Variants in DLGAP2 observed in about 807,000 individuals in gnomAD.
DLGAP2 encodes DLG associated protein 2.
DLGAP2 carries 26 observed loss-of-function variants against 100.3 expected under a neutral mutation model. That is an observed-to-expected ratio of 0.26 (90% CI 0.19 to 0.36). The LOEUF (loss-of-function observed/expected upper bound fraction) is 0.36. DLGAP2 is among the 10% of genes least tolerant of loss of function. DLGAP2 has a pLI of 1.00. For missense variants in DLGAP2, 1,858 were observed against 1,453.2 expected (o/e 1.28, Z -4.53); for synonymous variants, 886 against 630.1 (o/e 1.41, Z -6.08).
At chr8:1,337,184 G>T (rs202187872) in intron 3 of DLGAP2, among the ~76,000 whole-genome samples, 1 of 124,932 alleles carries the variant, frequency 8.0e-6, no homozygotes, top group South Asian at 2.4e-4. Flanking sequence ...GATGATGGTG[G>T]TGGTGAGAAT....
rs140696820 is a variant in DLGAP2 at position 1,107,301 on chromosome 8, A to C, written c.74-151550A>C. 3.4e-3 allele frequency among the ~76,000 whole-genome samples: 520 copies of C among 152,266 alleles called. 2 individuals carry two copies. The highest frequency in any genetic ancestry group is 0.02 in the Middle Eastern group (6 of 294). ...GTGACTGAGTGCTTTCTAGATACTC[A>C]TCACCACTCCAGGGCTGGGAGGCTG... is the stretch of plus-strand genomic sequence containing the variant. On this transcript the variant is annotated intron_variant, in intron 2 of 14. Coordinates refer to ENST00000637795, the MANE Select transcript of DLGAP2 (RefSeq NM_001346810.2).
chr8:1,073,201 A>G (rs1441889394), intron 2 of DLGAP2, among the ~76,000 whole-genome samples: 3 of 152,208 alleles, frequency 2.0e-5, no homozygotes, highest in Non-Finnish European at 2.9e-5. Flanking sequence ...CCAGCAAAAC[A>G]TTTGAGATCA....
chr8:750,485 A>T (rs1820763116), intron 1 of DLGAP2, among the ~76,000 whole-genome samples: 1 of 152,280 alleles, frequency 6.6e-6, no homozygotes, highest in Non-Finnish European at 1.5e-5. Flanking sequence ...GTGCATAAAA[A>T]TTGACAAAGA....
At chr8:1,623,606 G>C (rs1585006755) in intron 6 of DLGAP2, among the ~76,000 whole-genome samples, 2 of 151,560 alleles carry the variant, frequency 1.3e-5, no homozygotes, top group African/African-American at 2.4e-5. Context: ...CCTGGCACCA[G>C]TGTGCGATGA....
chr8:1,255,072 C>T (rs1226237843), intron 2 of DLGAP2, among the ~76,000 whole-genome samples: 35 of 113,658 alleles, frequency 3.1e-4, no homozygotes, highest in African/African-American at 1.1e-3. Flanking sequence ...TCCTGCCCGG[C>T]CGCTGTGTGT....
chr8:1,229,736 G>A (rs567247123), intron 2 of DLGAP2, among the ~76,000 whole-genome samples: 1 of 152,278 alleles, frequency 6.6e-6, no homozygotes, highest in East Asian at 1.9e-4. Context: ...AATAAATGCA[G>A]TTCACCACAT....
intron 2 of DLGAP2, among the ~76,000 whole-genome samples, chr8:1,058,108 G>A (rs1802937084): frequency 6.6e-6 from 1 of 152,146 alleles, no homozygotes; most frequent in Non-Finnish European, 1.5e-5. Flanking sequence ...ATCACGTGGG[G>A]TTGCATGCGA....
intron 2 of DLGAP2, among the ~76,000 whole-genome samples, chr8:1,138,353 G>C (rs569471862): frequency 6.6e-6 from 1 of 152,244 alleles, no homozygotes; most frequent in Non-Finnish European, 1.5e-5. Flanking sequence ...AAGCTCTGCA[G>C]GCCCTGCCTG....
chr8:1,523,243 G>T (rs144217064), intron 4 of DLGAP2, among the ~76,000 whole-genome samples: 1 of 152,228 alleles, frequency 6.6e-6, no homozygotes, highest in Non-Finnish European at 1.5e-5. Flanking sequence ...TCACACACAC[G>T]TTGAATTTGG....
intron 2 of DLGAP2, among the ~76,000 whole-genome samples, chr8:1,256,110 T>C (rs1178405323): frequency 7.3e-4 from 93 of 127,384 alleles, no homozygotes; most frequent in African/African-American, 2.9e-3. Flanking sequence ...TGTGTGTGTG[T>C]CCTCTCCTGC....
intron 2 of DLGAP2, among the ~76,000 whole-genome samples, chr8:970,191 C>G (rs1447738846): frequency 1.3e-5 from 2 of 152,128 alleles, no homozygotes; most frequent in Non-Finnish European, 2.9e-5. Context: ...AGATAGTGAT[C>G]AAGCTTTTCT....
chr8:889,761 C>G (rs1438328763), intron 1 of DLGAP2, among the ~76,000 whole-genome samples: 1 of 152,196 alleles, frequency 6.6e-6, no homozygotes, highest in African/African-American at 2.4e-5. Flanking sequence ...ACAGCTTAGA[C>G]AGCAGGCCGC....
chr8:857,877 T>G (rs945939695), intron 1 of DLGAP2, among the ~76,000 whole-genome samples: 47 of 152,272 alleles, frequency 3.1e-4, no homozygotes, highest in African/African-American at 1.1e-3. Flanking sequence ...ACATGATTTT[T>G]TTTTTTTTTT....
chr8:1,412,637 A>G (rs200513522), intron 3 of DLGAP2, among the ~76,000 whole-genome samples: 17 of 152,192 alleles, frequency 1.1e-4, no homozygotes, highest in African/African-American at 2.9e-4. Flanking sequence ...GGTGATAGCA[A>G]TGGAGCCCAC....
At position 1,333,130 on chromosome 8, in the gene DLGAP2, G is replaced by A. The variant is rs539213361; in HGVS notation, c.106+74247G>A. Among the ~76,000 whole-genome samples, 10 of 152,274 alleles carry A rather than the reference G, an allele frequency of 6.6e-5. No individual in the cohort carries two copies. In the East Asian group the frequency reaches 1.7e-3, roughly 27 times the overall value. On this transcript the variant is annotated intron_variant, in intron 3 of 14. Coordinates refer to ENST00000637795, the MANE Select transcript of DLGAP2 (RefSeq NM_001346810.2). ...GTTCCTCCTAAGCAGATGGACCTCC[G>A]GCTGCAGGCGTGAGCACAAGGAGAG...
At chr8:1,091,684 G>T (rs1804186992) in intron 2 of DLGAP2, among the ~76,000 whole-genome samples, 1 of 152,140 alleles carries the variant, frequency 6.6e-6, no homozygotes, top group African/African-American at 2.4e-5. Flanking sequence ...TCATGAGTTG[G>T]TGAAGCAGTT....
intron 2 of DLGAP2, among the ~76,000 whole-genome samples, chr8:1,096,063 G>C (rs1804355787): frequency 6.6e-6 from 1 of 151,758 alleles, no homozygotes; most frequent in Non-Finnish European, 1.5e-5. Context: ...CAAAACGTTT[G>C]TTTGTTCAGA....
At chr8:1,361,920 C>T (rs995770043) in intron 3 of DLGAP2, among the ~76,000 whole-genome samples, 1 of 152,214 alleles carries the variant, frequency 6.6e-6, no homozygotes, top group Admixed American at 6.5e-5. Context: ...TGTGCTGCCC[C>T]AGCCTGGCAG....
chr8:927,044 G>A (rs1420277298), intron 2 of DLGAP2: 1 of 985,432 alleles, frequency 1.0e-6, no homozygotes, highest in East Asian at 1.1e-4. Context: ...GGGACTGGAG[G>A]CCTGGAGGAG....
Sources: gnomAD v4.1 joint callset for allele counts (sites outside exome capture counted in the v4.1 genomes callset) on GRCh38, gnomAD v4.1.1 for gene constraint, MANE v1.5 for transcripts, NCBI Gene and HGNC (gene_info 2026-07-23, HGNC 2026-07-21) for gene names.